The following SRFBP1 variants were observed in gnomAD, a reference collection of about 807,000 sequenced individuals.
SRFBP1 encodes serum response factor-binding protein 1.
SRFBP1 carries 47 observed loss-of-function variants against 45.5 expected under a neutral mutation model. The ratio of observed to expected loss-of-function variants is 1.03; its 90% CI spans 0.82 to 1.32. The LOEUF (loss-of-function observed/expected upper bound fraction) is 1.32, where lower values mean the gene tolerates loss of function less well. Ranked by LOEUF, SRFBP1 falls within the 40% of genes most tolerant of loss-of-function variation. The probability of loss-of-function intolerance (pLI) is 0.00; values close to 1 mark genes in which losing one functional copy is unlikely to be tolerated. For synonymous variants in SRFBP1, 203 were observed against 166.3 expected (o/e 1.22, Z -1.70); for missense variants, 621 against 484.6 (o/e 1.28, Z -2.64).
At chr5:122,010,072 C>G (rs1286037256) in intron 4 of SRFBP1, among the ~76,000 whole-genome samples, 1 of 152,128 alleles carries the variant, frequency 6.6e-6, no homozygotes, top group South Asian at 2.1e-4. Context: ...CTGTTTGATT[C>G]AGTTGTGTCA....
intron 1 of SRFBP1, among the ~76,000 whole-genome samples, chr5:121,969,920 T>C (rs1488145510): frequency 2.0e-5 from 3 of 152,112 alleles, no homozygotes; most frequent in Non-Finnish European, 2.9e-5. Flanking sequence ...ATTCCTCTGT[T>C]CTTTCCGTCC....
At position 121,994,671 on chromosome 5, in the gene SRFBP1, G is replaced by A. The variant is rs1378243735; in HGVS notation, c.270+1G>A. 2 of 1,565,898 alleles carry A rather than the reference G, an allele frequency of 1.3e-6. No individual in the cohort carries two copies. The highest frequency in any genetic ancestry group is 8.7e-7 in the Non-Finnish European group (1 of 1,146,216). ...CAACTTTGAAAAAATCTTCAAAAAG[G>A]TATATCTGCAATAGATTATATTTGT... On this transcript the variant is annotated splice_donor_variant, in intron 4 of 7. Coordinates refer to ENST00000339397, the MANE Select transcript of SRFBP1 (RefSeq NM_152546.3). LOFTEE classifies it high-confidence loss of function.
chr5:122,054,707 C>T (rs1200137929), intron 2 of SRFBP1, among the ~76,000 whole-genome samples: 2 of 152,138 alleles, frequency 1.3e-5, no homozygotes, highest in African/African-American at 4.8e-5. Flanking sequence ...GCTTCCTTTC[C>T]TCCACTACTA....
rs1349498267 is a variant in SRFBP1, at chr5:122,074,045, G to C, written n.312-1270G>C. The stretch of plus-strand genomic sequence containing the variant: ...TGTGCAGTACATGCAAATCGCCTGT[G>C]GTAGCCATAGTCACAGGATGTGTCT... On this transcript the variant is annotated intron_variant and non_coding_transcript_variant, in intron 2 of 2. Transcript: ENST00000504881. 1 of 1,613,954 alleles carries C rather than the reference G, an allele frequency of 6.2e-7. No homozygotes were observed. The highest frequency in any genetic ancestry group is 8.5e-7 in the Non-Finnish European group (1 of 1,179,976).
rs189328746 is a variant in SRFBP1, at chr5:122,012,111, C to G, written c.271-7149C>G. Among the ~76,000 whole-genome samples the G allele has an allele frequency of 2.0e-3, 301 of 152,150 alleles. 1 individual carries two copies. Among genetic ancestry groups the G allele is most frequent in the Middle Eastern group, 0.01 (3 of 294 alleles). On this transcript the variant is annotated intron_variant, in intron 4 of 7. Transcript: ENST00000339397. ...ACAGATTTTGAGTTCTAGCTTGTTC[C>G]TAATTGGCTAGGTAATCTTGAAATC...
chr5:122,022,585 T>C (rs1386657252), intron 7 of SRFBP1, among the ~76,000 whole-genome samples, 178 bp downstream of exon 7: 1 of 152,226 alleles, frequency 6.6e-6, no homozygotes, highest in African/African-American at 2.4e-5. Flanking sequence ...TCTTTTCTTC[T>C]GTGTCCTGCC....
intron 2 of SRFBP1, among the ~76,000 whole-genome samples, chr5:122,035,171 G>GT (rs1173222459): frequency 6.6e-6 from 1 of 151,452 alleles, no homozygotes; most frequent in African/African-American, 2.4e-5. Context: ...TTGTTTGTTT[G>GT]TTTTTTCCAG....
At chr5:121,985,733 G>C (rs923396191) in intron 3 of SRFBP1, among the ~76,000 whole-genome samples, 1 of 151,822 alleles carries the variant, frequency 6.6e-6, no homozygotes, top group Non-Finnish European at 1.5e-5. Flanking sequence ...CAAATGCCAT[G>C]TACTTTTCTA....
chr5:121,971,986 G>T (rs748720116), intron 1 of SRFBP1, among the ~76,000 whole-genome samples: 1 of 151,878 alleles, frequency 6.6e-6, no homozygotes, highest in Non-Finnish European at 1.5e-5. Context: ...GAGTTTGGAC[G>T]TCTCTTTCTA....
intron 7 of SRFBP1, 91 bp from the exon 8 acceptor site, chr5:122,026,851 T>C (rs1472648112): frequency 4.3e-6 from 4 of 926,800 alleles, no homozygotes; most frequent in Non-Finnish European, 6.0e-6. Flanking sequence ...AAAATTTCTT[T>C]TTTTAACATT....
At chr5:122,054,120 T>G (rs1001919007) in intron 2 of SRFBP1, among the ~76,000 whole-genome samples, 2 of 152,196 alleles carry the variant, frequency 1.3e-5, no homozygotes, top group Non-Finnish European at 2.9e-5. Flanking sequence ...AAGCTGATAC[T>G]GATCTGCTCC....
chr5:121,977,337 G>A (rs989814215), intron 3 of SRFBP1, among the ~76,000 whole-genome samples: 8 of 151,994 alleles, frequency 5.3e-5, no homozygotes, highest in African/African-American at 1.9e-4. Flanking sequence ...GGCTGGGTTG[G>A]CTACTCTGAC....
intron 2 of SRFBP1, among the ~76,000 whole-genome samples, chr5:121,974,850 G>T (rs1315431682): frequency 6.6e-6 from 1 of 151,792 alleles, no homozygotes; most frequent in African/African-American, 2.4e-5. Flanking sequence ...TAGTCTTCAA[G>T]TATGTTTTGT....
At chr5:121,965,667 A>C (rs1157751154) in intron 1 of SRFBP1, among the ~76,000 whole-genome samples, 1 of 152,188 alleles carries the variant, frequency 6.6e-6, no homozygotes, top group Non-Finnish European at 1.5e-5. Context: ...TGTCTTGGCT[A>C]TGCAGGCTCT....
intron 4 of SRFBP1, among the ~76,000 whole-genome samples, chr5:122,008,524 C>T (rs1376604716): frequency 6.6e-6 from 1 of 152,148 alleles, no homozygotes; most frequent in Non-Finnish European, 1.5e-5. Context: ...GAAGGGGTAA[C>T]TTGAGTAGTA....
At chr5:122,045,726 A>C (rs552714303) in intron 2 of SRFBP1, among the ~76,000 whole-genome samples, 1 of 152,240 alleles carries the variant, frequency 6.6e-6, no homozygotes, top group African/African-American at 2.4e-5. Context: ...ACTTTCCTGA[A>C]GGTCTTTATC....
intron 1 of SRFBP1, among the ~76,000 whole-genome samples, chr5:121,968,063 A>G (rs1363899758): frequency 2.0e-5 from 3 of 152,018 alleles, no homozygotes; most frequent in African/African-American, 4.8e-5. Context: ...TTTTAGTAAC[A>G]TACGTATCTA....
intron 4 of SRFBP1, among the ~76,000 whole-genome samples, chr5:122,004,160 G>C (rs913968390): frequency 2.6e-5 from 4 of 152,164 alleles, no homozygotes; most frequent in Admixed American, 1.3e-4. Context: ...TAATTTGCTA[G>C]TGAGTTTCTT....
chr5:122,022,254 G>A, intron 6 of SRFBP1, 116 bp from the exon 7 acceptor site: 2 of 748,998 alleles, frequency 2.7e-6, no homozygotes, highest in Non-Finnish European at 4.3e-6. Context: ...TTGCTGGTGT[G>A]ACTAAGGAGT....
Sources: allele counts gnomAD v4.1 joint callset (sites outside exome capture counted in the v4.1 genomes callset), GRCh38; gene constraint gnomAD v4.1.1; transcripts MANE v1.5; gene names NCBI Gene and HGNC (gene_info 2026-07-23, HGNC 2026-07-21).